WIPI2: variants seen among roughly 807,000 people sequenced by gnomAD.
The protein encoded by WIPI2 is WD repeat domain phosphoinositide-interacting protein 2.
A neutral mutation model predicts 52.3 loss-of-function variants in WIPI2; 28 were observed. The ratio of observed to expected loss-of-function variants is 0.54; its 90% CI spans 0.40 to 0.73. The LOEUF (loss-of-function observed/expected upper bound fraction) is 0.73, where lower values mean the gene tolerates loss of function less well. Ranked by LOEUF, WIPI2 falls within the 30% of genes least tolerant of loss-of-function variation. The probability of loss-of-function intolerance (pLI) is 0.00; values close to 1 mark genes in which losing one functional copy is unlikely to be tolerated. For missense variants in WIPI2, 506 were observed against 602.9 expected, an observed-to-expected ratio of 0.84 and a Z score of 1.68; for synonymous variants, 268 against 245.0, an observed-to-expected ratio of 1.09 and a Z score of -0.88.
At position 5,214,848 on chromosome 7, in the gene WIPI2, C is replaced by T. The variant is rs28461705; in HGVS notation, c.381+144C>T. 790 of 928,706 alleles carry T rather than the reference C, an allele frequency of 8.5e-4. 8 individuals are homozygous for T. The African/African-American group carries it at 0.011, about 14-fold the overall frequency. The allele number at this position is 928,706 out of a possible 1,614,324, so 57.5% of individuals were successfully genotyped here. A position where few individuals can be genotyped will look rare whatever the true frequency, so the allele number is the denominator to read the frequency against. Reference sequence around the variant, plus strand: ...GGGCACAGATCCTTGCCTACAGAGACCAGCTCTGTTTCCTCACCCACCAGC... The same window carrying T: ...GGGCACAGATCCTTGCCTACAGAGATCAGCTCTGTTTCCTCACCCACCAGC... On this transcript the variant is annotated intron_variant, in intron 4 of 12. Coordinates refer to ENST00000288828, the MANE Select transcript of WIPI2 (RefSeq NM_015610.4).
intron 8 of WIPI2, among the ~76,000 whole-genome samples, chr7:5,223,584 G>A (rs767734412): frequency 6.6e-6 from 1 of 152,142 alleles, no homozygotes; most frequent in Non-Finnish European, 1.5e-5. Flanking sequence ...TCCTGTGCCT[G>A]TTTCTGCCCT....
chr7:5,199,779 C>G, intron 3 of WIPI2, 121 bp downstream of exon 3: 1 of 946,938 alleles, frequency 1.1e-6, no homozygotes, highest in Non-Finnish European at 1.6e-6. Context: ...TACCAGTCCT[C>G]TGCTTCCACC....
At chr7:5,219,450 T>C (rs1174057847) in intron 7 of WIPI2, among the ~76,000 whole-genome samples, 3 of 27,408 alleles carry the variant, frequency 1.1e-4, no homozygotes, top group African/African-American at 4.3e-4. Flanking sequence ...CCCATAAAAA[T>C]AGATTTTTTT....
chr7:5,214,462 T>C (rs1188909409), intron 3 of WIPI2, 73 bp from the exon 4 acceptor site: 20 of 1,613,634 alleles, frequency 1.2e-5, no homozygotes, highest in Non-Finnish European at 1.7e-5. Flanking sequence ...GTGTTTGTTT[T>C]TGAGCGCAGA....
chr7:5,222,503 T>G lies in WIPI2; in HGVS notation c.670-99T>G, dbSNP rs1783191835. 3.1e-6 allele frequency: 4 copies of G among 1,274,870 alleles called. No individual in the cohort carries two copies. In the South Asian group the frequency reaches 3.6e-5, roughly 11 times the overall value. 79.0% of individuals were successfully genotyped at this position (1,274,870 alleles called of 1,614,324 possible). A position where few individuals can be genotyped will look rare whatever the true frequency, so the allele number is the denominator to read the frequency against. On this transcript the variant is annotated intron_variant, in intron 7 of 12. Coordinates refer to ENST00000288828, the MANE Select transcript of WIPI2 (RefSeq NM_015610.4). ...TTGGTGGCCCAGGGCAGAGCTGTCC[T>G]GGAGATAGCCGTGTGGCGCATTTGC...
At chr7:5,228,029 A>C (rs996890719) in intron 10 of WIPI2, 75 bp from the exon 11 acceptor site, 1 of 1,466,654 alleles carries the variant, frequency 6.8e-7, no homozygotes, top group Non-Finnish European at 9.5e-7. Flanking sequence ...TCGCCTGCCA[A>C]AAGTGAGGCC....
chr7:5,206,566 G>A (rs1782305901), intron 3 of WIPI2, among the ~76,000 whole-genome samples: 1 of 152,018 alleles, frequency 6.6e-6, no homozygotes, highest in African/African-American at 2.4e-5. Flanking sequence ...GATGGTTGGT[G>A]GTATTACCTT....
At chr7:5,211,083 C>T (rs1248992880) in intron 3 of WIPI2, among the ~76,000 whole-genome samples, 1 of 152,196 alleles carries the variant, frequency 6.6e-6, no homozygotes, top group African/African-American at 2.4e-5. Flanking sequence ...CCTATGTAGA[C>T]CAGGAAAAGG....
At chr7:5,194,273 A>G (rs1781633271) in intron 2 of WIPI2, among the ~76,000 whole-genome samples, 1 of 152,194 alleles carries the variant, frequency 6.6e-6, no homozygotes, top group Non-Finnish European at 1.5e-5. Context: ...AGGGCCTCCC[A>G]GGTCTGGGCT....
In WIPI2 at chr7:5,216,534, C is replaced by G; in HGVS notation, c.382-29C>G. 3 of 1,602,622 alleles carry G rather than the reference C, an allele frequency of 1.9e-6. No individual in the cohort carries two copies. In the South Asian group the frequency reaches 3.3e-5, roughly 18 times the overall value. On this transcript the variant is annotated intron_variant, in intron 4 of 12. Transcript: ENST00000288828. ...AGGTATTGCACTGGCCGTTGCTTCA[C>G]GTTTGGTTTCGTTTTGTCTCTCGCC...
At chr7:5,213,705 A>T (rs1287248984) in intron 3 of WIPI2, among the ~76,000 whole-genome samples, 1 of 151,590 alleles carries the variant, frequency 6.6e-6, no homozygotes, top group Non-Finnish European at 1.5e-5. Flanking sequence ...GTTGTTTTTG[A>T]GATGGAGTCT....
Position 5,214,635 on chromosome 7 carries a change from T to C in WIPI2, c.312T>C (p.Phe104=). 1 of 1,614,226 alleles carries C rather than the reference T, an allele frequency of 6.2e-7. No homozygotes were observed. Among genetic ancestry groups the C allele is most frequent in the Non-Finnish European group, 8.5e-7 (1 of 1,180,042 alleles). The part of the protein sequence containing the change: ...KAPRKLKVCH[F]KKGTEICNYS... ...CAAGGAAGCTAAAGGTTTGCCACTTTAAGAAGGGAACTGAGATCTGCAACT... is the reference window on the plus strand; with the variant it reads ...CAAGGAAGCTAAAGGTTTGCCACTTCAAGAAGGGAACTGAGATCTGCAACT... Residue 104 remains phenylalanine, a synonymous_variant, in exon 4 of 13, where the codon TTT becomes TTC. Transcript: ENST00000288828.
At chr7:5,192,331 G>C (rs895702077) in intron 1 of WIPI2, among the ~76,000 whole-genome samples, 1 of 152,204 alleles carries the variant, frequency 6.6e-6, no homozygotes, top group Non-Finnish European at 1.5e-5. Context: ...TAGTAGTAGG[G>C]TGGTTTATGC....
At chr7:5,217,857 T>G (rs536154020) in intron 6 of WIPI2, 65 bp from the exon 7 acceptor site, 2 of 1,540,102 alleles carry the variant, frequency 1.3e-6, no homozygotes, top group East Asian at 4.5e-5. Context: ...GCGGACCAAG[T>G]GTCAGCCCTG....
At chr7:5,217,599 C>G (rs1280705841) in intron 6 of WIPI2, 3 of 429,158 alleles carry the variant, frequency 7.0e-6, no homozygotes, top group African/African-American at 6.0e-5. Flanking sequence ...CCCAGCCCCA[C>G]TGCTCTCTTC....
chr7:5,230,468 C>T lies in WIPI2; in HGVS notation c.1253-367C>T, dbSNP rs891123916. Among the ~76,000 whole-genome samples, 3 of 152,246 alleles carry T rather than the reference C, an allele frequency of 2.0e-5. No individual in the cohort carries two copies. The highest frequency in any genetic ancestry group is 7.2e-5 in the African/African-American group (3 of 41,468). On this transcript the variant is annotated intron_variant, in intron 12 of 12. Coordinates refer to ENST00000288828, the MANE Select transcript of WIPI2 (RefSeq NM_015610.4). The surrounding 1 kb of genome is among the most constrained non-coding windows in gnomAD (Gnocchi z 4.8). ...TGTGCCTGCTCGCTGCCACTCCCAT[C>T]TGTGAACCGGCACTTCCAGTTCATG... is the stretch of plus-strand genomic sequence containing the variant.
chr7:5,226,885 G>C (rs577948397), intron 9 of WIPI2: 64 of 363,564 alleles, frequency 1.8e-4, no homozygotes, highest in Non-Finnish European at 2.7e-4. Context: ...TTAGGCCCTA[G>C]ACGTCCTCAC....
At chr7:5,221,641 C>G (rs1783134011) in intron 7 of WIPI2, among the ~76,000 whole-genome samples, 1 of 152,220 alleles carries the variant, frequency 6.6e-6, no homozygotes, top group Non-Finnish European at 1.5e-5. Flanking sequence ...ATGTTCATGT[C>G]TGTCTCATCA....
chr7:5,220,544 T>G (rs569854197), intron 7 of WIPI2, among the ~76,000 whole-genome samples: 1 of 152,072 alleles, frequency 6.6e-6, no homozygotes, highest in East Asian at 1.9e-4. Context: ...CAGCCACTTT[T>G]TACTATTTAC....
Sources: gnomAD v4.1 joint callset for allele counts (sites outside exome capture counted in the v4.1 genomes callset) on GRCh38, gnomAD v4.1.1 for gene constraint, Gnocchi (gnomAD v3.1) non-coding constraint, MANE v1.5 for transcripts, NCBI Gene and HGNC (gene_info 2026-07-23, HGNC 2026-07-21) for gene names.